Variants in IFT43 observed in about 807,000 individuals in gnomAD.
IFT43 encodes the protein intraflagellar transport protein 43 homolog.
A neutral mutation model predicts 32.3 loss-of-function variants in IFT43; 33 were observed. The observed-to-expected ratio is 1.02, with a 90% CI of 0.77 to 1.37. The LOEUF (loss-of-function observed/expected upper bound fraction) is 1.37, where lower values mean the gene tolerates loss of function less well. IFT43 is among the 40% of genes most tolerant of loss of function. The probability of loss-of-function intolerance (pLI) is 0.00; values close to 1 mark genes in which losing one functional copy is unlikely to be tolerated. For missense variants in IFT43, 274 were observed against 265.9 expected (o/e 1.03, Z -0.21); for synonymous variants, 93 against 98.2 (o/e 0.95, Z 0.31).
intron 1 of IFT43, chr14:75,986,057 T>C (rs539421151): frequency 4.0e-6 from 6 of 1,510,366 alleles, no homozygotes; most frequent in Middle Eastern, 1.7e-4. Flanking sequence ...CCTCAGAAAG[T>C]AGAAAACACC....
chr14:76,081,375 C>T (rs1566739694), intron 5 of IFT43, among the ~76,000 whole-genome samples: 1 of 152,188 alleles, frequency 6.6e-6, no homozygotes, highest in Non-Finnish European at 1.5e-5. Context: ...CCCACCAGGC[C>T]TTTTTTCTTG....
intron 5 of IFT43, among the ~76,000 whole-genome samples, chr14:76,061,925 T>G (rs2037142063): frequency 6.6e-6 from 1 of 152,200 alleles, no homozygotes; most frequent in Admixed American, 6.5e-5. Flanking sequence ...GTTTTGGATT[T>G]TAGAGCATTT....
chr14:76,067,639 G>A (rs1469211888), intron 5 of IFT43, among the ~76,000 whole-genome samples: 1 of 151,906 alleles, frequency 6.6e-6, no homozygotes, highest in African/African-American at 2.4e-5. Context: ...AATGAGAAAT[G>A]GAGAGTGAGT....
intron 3 of IFT43, among the ~76,000 whole-genome samples, chr14:76,023,892 T>G (rs1340237217): frequency 6.6e-6 from 1 of 152,210 alleles, no homozygotes; most frequent in African/African-American, 2.4e-5. Context: ...TTTTTAAACC[T>G]TATGATGTTA....
intron 3 of IFT43, among the ~76,000 whole-genome samples, chr14:76,050,734 C>G (rs2036898187): frequency 6.6e-6 from 1 of 152,116 alleles, no homozygotes; most frequent in South Asian, 2.1e-4. Context: ...AAAAGATCCC[C>G]AATTCCCAAC....
intron 3 of IFT43, among the ~76,000 whole-genome samples, chr14:76,026,134 GAACA>G (rs1196906824): frequency 2.0e-5 from 3 of 152,090 alleles, no homozygotes; most frequent in African/African-American, 7.2e-5. Context: ...GGCAAAGGAT[GAACA>G]AACACTTTGT....
At chr14:76,009,033 T>A (rs2036030201) in intron 2 of IFT43, among the ~76,000 whole-genome samples, 1 of 152,228 alleles carries the variant, frequency 6.6e-6, no homozygotes, top group African/African-American at 2.4e-5. Flanking sequence ...GATGGTCCTT[T>A]CAGTTTGCCC....
At chr14:76,074,095 A>G in intron 5 of IFT43, among the ~76,000 whole-genome samples, 1 of 152,138 alleles carries the variant, frequency 6.6e-6, no homozygotes, top group East Asian at 1.9e-4. Flanking sequence ...AAACCTAAGG[A>G]TTTAGAATAA....
chr14:76,066,293 G>T (rs2037223335), intron 5 of IFT43, among the ~76,000 whole-genome samples: 2 of 152,210 alleles, frequency 1.3e-5, no homozygotes, highest in Non-Finnish European at 1.5e-5. Flanking sequence ...GGCCCTGGAG[G>T]TTTGAAGCAT....
chr14:76,055,045 G>A (rs2036984694), intron 3 of IFT43, among the ~76,000 whole-genome samples: 1 of 152,170 alleles, frequency 6.6e-6, no homozygotes, highest in South Asian at 2.1e-4. Flanking sequence ...GTCACCAGTA[G>A]TTTAAAAATA....
intron 3 of IFT43, among the ~76,000 whole-genome samples, chr14:76,051,892 A>G (rs778340307): frequency 2.0e-5 from 3 of 152,088 alleles, no homozygotes; most frequent in Non-Finnish European, 2.9e-5. Context: ...GTGCCTTCCT[A>G]TGGCTTTGGC....
intron 7 of IFT43, among the ~76,000 whole-genome samples, chr14:76,082,958 C>T (rs755960838): frequency 7.2e-5 from 11 of 152,212 alleles, no homozygotes; most frequent in African/African-American, 1.7e-4. Context: ...CCACTCCCCT[C>T]TGTCCCTGTG....
At chr14:76,029,571 T>C (rs1017734617) in intron 3 of IFT43, among the ~76,000 whole-genome samples, 1 of 152,198 alleles carries the variant, frequency 6.6e-6, no homozygotes, top group African/African-American at 2.4e-5. Context: ...CTAGGCTTTC[T>C]TCTAGGATTT....
chr14:76,045,607 C>T (rs895838566), intron 3 of IFT43, among the ~76,000 whole-genome samples: 1 of 152,158 alleles, frequency 6.6e-6, no homozygotes. Flanking sequence ...GAGCTCTTTC[C>T]CTTTCTGCCC....
intron 2 of IFT43, among the ~76,000 whole-genome samples, chr14:75,998,356 TG>T (rs1409732631): frequency 1.3e-5 from 2 of 152,146 alleles, no homozygotes. Flanking sequence ...GGCTGTGGGC[TG>T]GAGCTGGAGA....
chr14:76,061,575 C>T (rs2037135858), intron 5 of IFT43, among the ~76,000 whole-genome samples: 1 of 152,006 alleles, frequency 6.6e-6, no homozygotes, highest in Non-Finnish European at 1.5e-5. Context: ...CTGGTCTTTT[C>T]TTCTACAATG....
rs78384178 is a variant in IFT43, at chr14:76,082,748, C to T, written c.444+56C>T. 0.014 allele frequency: 18,090 copies of T among 1,279,458 alleles called. 190 individuals carry two copies. The highest frequency in any genetic ancestry group is 0.024 in the Middle Eastern group (132 of 5,456). The allele number at this position is 1,279,458 out of a possible 1,614,324, so 79.3% of individuals were successfully genotyped here. A position where few individuals can be genotyped will look rare whatever the true frequency, so the allele number is the denominator to read the frequency against. On this transcript the variant is annotated intron_variant, in intron 7 of 8. Coordinates refer to ENST00000314067, the MANE Select transcript of IFT43 (RefSeq NM_001102564.3). Reference sequence around the variant, plus strand: ...GGGCTCCAAGCAATGGGCTTCAATCCGTAGAGATTTCTCAGTTCCTCCCAA... The same window carrying T: ...GGGCTCCAAGCAATGGGCTTCAATCTGTAGAGATTTCTCAGTTCCTCCCAA...
intron 5 of IFT43, among the ~76,000 whole-genome samples, chr14:76,079,239 G>C (rs1308794771): frequency 1.3e-5 from 2 of 152,216 alleles, no homozygotes; most frequent in African/African-American, 4.8e-5. Flanking sequence ...ATCTTGCTTA[G>C]CCTCAGTGTT....
chr14:76,065,282 G>A (rs2140067331), intron 5 of IFT43, among the ~76,000 whole-genome samples: 1 of 152,234 alleles, frequency 6.6e-6, no homozygotes. Flanking sequence ...CTTACCATAT[G>A]CCAGCTACAT....
Sources: gnomAD v4.1 joint callset for allele counts (sites outside exome capture counted in the v4.1 genomes callset) on GRCh38, gnomAD v4.1.1 for gene constraint, MANE v1.5 for transcripts, NCBI Gene and HGNC (gene_info 2026-07-23, HGNC 2026-07-21) for gene names.